The following PDK2 variants were observed in gnomAD, a reference collection of about 807,000 sequenced individuals.
PDK2 encodes pyruvate dehydrogenase kinase 2.
In PDK2, 34 loss-of-function variants were observed where a neutral mutation model predicts 50.4. That is an observed-to-expected ratio of 0.68 (90% CI 0.51 to 0.90). PDK2 has a LOEUF of 0.90. Among genes scored for constraint, PDK2 ranks in the 40% least tolerant of loss-of-function variants. PDK2 has a pLI of 0.00. For missense variants in PDK2, 377 were observed against 544.5 expected, an observed-to-expected ratio of 0.69 and a Z score of 3.06; for synonymous variants, 232 against 216.0, an observed-to-expected ratio of 1.07 and a Z score of -0.65.
intron 1 of PDK2, chr17:50,096,001 T>C: frequency 3.5e-6 from 2 of 567,894 alleles, no homozygotes; most frequent in Non-Finnish European, 4.5e-6. Flanking sequence ...TAGAGAGACC[T>C]GGACTGGGCA....
chr17:50,110,177 TGGGGGAGCA>T lies in PDK2; in HGVS notation c.*86_*94del. Reference sequence around the variant, plus strand: ...ACCGTGGTGCCCCTCACCATCCTCCTGGGGGAGCAGGGGGTGGGTTCTCCCTGATGACCA... The same window carrying T: ...ACCGTGGTGCCCCTCACCATCCTCCTGGGGGTGGGTTCTCCCTGATGACCA... On this transcript the variant is annotated 3_prime_UTR_variant, in exon 11 of 11. Transcript: ENST00000503176. 1 of 1,432,478 alleles carries T rather than the reference TGGGGGAGCA, an allele frequency of 7.0e-7. No homozygotes were observed. The highest frequency in any genetic ancestry group is 2.5e-5 in the East Asian group (1 of 39,726). The allele number at this position is 1,432,478 out of a possible 1,614,324, so 88.7% of individuals were successfully genotyped here.
At position 50,097,460 on chromosome 17, in the gene PDK2, C is replaced by T. The variant is rs770498847; in HGVS notation, c.156C>T (p.Phe52=). ...SNACEKTSFT[F]LRQELPVRLA... ...CCTGTGAGAAAACCTCCTTCACCTT[C>T]CTCAGGCAGGAGCTGCCTGTGCGCC... The change falls in exon 2 of 11, where the codon TTC becomes TTT. Residue 52 remains phenylalanine, a synonymous_variant. Transcript: ENST00000503176. 2.5e-6 allele frequency: 4 copies of T among 1,614,012 alleles called. No individual in the cohort carries two copies. Among genetic ancestry groups the T allele is most frequent in the South Asian group, 1.1e-5 (1 of 91,086 alleles).
chr17:50,109,841 TC>T lies in PDK2; in HGVS notation c.1084-115del. The T allele has an allele frequency of 8.4e-7, 1 of 1,195,088 alleles. No individual in the cohort carries two copies. The highest frequency in any genetic ancestry group is 1.1e-6 in the Non-Finnish European group (1 of 882,848). 74.0% of individuals were successfully genotyped at this position (1,195,088 alleles called of 1,614,324 possible). A position where few individuals can be genotyped will look rare whatever the true frequency, so the allele number is the denominator to read the frequency against. On this transcript the variant is annotated intron_variant, in intron 10 of 10. Transcript: ENST00000503176. This position sits in a 1 kb window ranked among gnomAD's most constrained non-coding sequence, Gnocchi z 5.0. ...CACAGGAGGGACCACCCTTTTGTGG[TC>T]TTTCCAGGCCCCCGTGTCTGGCAGC...
intron 2 of PDK2, among the ~76,000 whole-genome samples, chr17:50,104,823 AC>A (rs1336927841): frequency 6.6e-6 from 1 of 152,068 alleles, no homozygotes; most frequent in African/African-American, 2.4e-5. Context: ...GGCCCAGATC[AC>A]CCCAGCTCAG....
At chr17:50,106,769 C>T in intron 4 of PDK2, 25 bp from the exon 5 acceptor site, 2 of 1,602,880 alleles carry the variant, frequency 1.2e-6, no homozygotes, top group Non-Finnish European at 1.7e-6. Flanking sequence ...GCCCAGCCAA[C>T]AGCATCCTCC....
Position 50,095,465 on chromosome 17 carries a change from T to A in PDK2, c.30T>A (p.Asn10Lys). The A allele has an allele frequency of 6.2e-7, 1 of 1,604,974 alleles. No individual in the cohort carries two copies. The highest frequency in any genetic ancestry group is 8.5e-7 in the Non-Finnish European group (1 of 1,176,262). Residue 10 changes from asparagine to lysine, a missense_variant, in exon 1 of 11, where the codon AAT (asparagine) becomes AAA (lysine). Asn to Lys is a moderately conservative substitution (Grantham distance 94). This residue lies in a region of PDK2 where 100 missense variants were observed against 115.5 expected (regional missense o/e 0.87). Transcript: ENST00000503176. MRWVWALLK[N>K]ASLAGAPKYI... ...GCTGGGTGTGGGCGCTGCTGAAGAA[T>A]GCGTCCCTGGCAGGGGCGCCCAAGT...
In PDK2 at chr17:50,109,093, C is replaced by T. The variant is rs994515797; in HGVS notation, c.970-194C>T. Among the ~76,000 whole-genome samples the T allele has an allele frequency of 6.6e-6, 1 of 152,110 alleles. No individual in the cohort carries two copies. The highest frequency in any genetic ancestry group is 1.5e-5 in the Non-Finnish European group (1 of 68,010). On this transcript the variant is annotated intron_variant, in intron 9 of 10. Transcript: ENST00000503176. The surrounding 1 kb of genome is among the most constrained non-coding windows in gnomAD (Gnocchi z 5.0). Reference sequence around the variant, plus strand: ...CCTCTCTCTGCCCAAGCCTCCCTCCCGCATTCATGATTGCCCCATTCACCC... The same window carrying T: ...CCTCTCTCTGCCCAAGCCTCCCTCCTGCATTCATGATTGCCCCATTCACCC...
chr17:50,095,634 G>A (rs998691713), intron 1 of PDK2, 81 bp downstream of exon 1: 13 of 1,498,210 alleles, frequency 8.7e-6, no homozygotes, highest in Middle Eastern at 2.0e-4. Context: ...GGGGACGGAG[G>A]AGAAGAAAGG....
intron 4 of PDK2, 159 bp downstream of exon 4, chr17:50,106,228 G>A: frequency 7.1e-7 from 1 of 1,408,340 alleles, no homozygotes; most frequent in South Asian, 1.7e-5. Context: ...GCTCCAACAT[G>A]GAAAAATAAA....
intron 2 of PDK2, among the ~76,000 whole-genome samples, chr17:50,100,222 C>G (rs1397272918): frequency 6.6e-6 from 1 of 152,210 alleles, no homozygotes; most frequent in African/African-American, 2.4e-5. Context: ...AGTTTCTACT[C>G]AGCTGGGGAG....
rs1164623626 is a variant in PDK2, at chr17:50,110,703, G to A, written c.*606G>A. The A allele has an allele frequency of 2.0e-5, 3 of 152,334 alleles. No homozygotes were observed. The highest frequency in any genetic ancestry group is 7.2e-5 in the African/African-American group (3 of 41,560). The allele number at this position is 152,334 out of a possible 1,614,324, so 9.4% of individuals were successfully genotyped here. On this transcript the variant is annotated 3_prime_UTR_variant, in exon 11 of 11. Coordinates refer to ENST00000503176, the MANE Select transcript of PDK2 (RefSeq NM_002611.5). Reference sequence around the variant, plus strand: ...CCCAACTCTAAAGTGGAAGAACCTTGTTAGACCGAGAGCTTGCCATCCAGC... The same window carrying A: ...CCCAACTCTAAAGTGGAAGAACCTTATTAGACCGAGAGCTTGCCATCCAGC...
At position 50,109,437 on chromosome 17, in the gene PDK2, G is replaced by A. The variant is rs1347406309; in HGVS notation, c.1083+37G>A. ...TCCCGCAGAGCCCAGCTGGAGAAGA[G>A]CTTTGCTGATAGGACCTGGGCAGCC... is the stretch of plus-strand genomic sequence containing the variant. On this transcript the variant is annotated intron_variant, in intron 10 of 10. Transcript: ENST00000503176. The surrounding 1 kb of genome is among the most constrained non-coding windows in gnomAD (Gnocchi z 5.0). 1 of 1,445,888 alleles carries A rather than the reference G, an allele frequency of 6.9e-7. No individual in the cohort carries two copies. Among genetic ancestry groups the A allele is most frequent in the Non-Finnish European group, 9.6e-7 (1 of 1,038,036 alleles). The allele number at this position is 1,445,888 out of a possible 1,614,324, so 89.6% of individuals were successfully genotyped here. A position where few individuals can be genotyped will look rare whatever the true frequency, so the allele number is the denominator to read the frequency against.
chr17:50,102,554 T>C (rs1037833219), intron 2 of PDK2, among the ~76,000 whole-genome samples: 1 of 151,890 alleles, frequency 6.6e-6, no homozygotes, highest in Non-Finnish European at 1.5e-5. Flanking sequence ...CACTCTGCAG[T>C]GGGTCTCCTC....
intron 1 of PDK2, chr17:50,096,053 AG>A (rs1404485122): frequency 1.1e-6 from 1 of 928,358 alleles, no homozygotes; most frequent in African/African-American, 1.8e-5. Context: ...AGATTAAGCC[AG>A]GGGCAGTTGG....
In PDK2 at chr17:50,106,864, C is replaced by T. The variant is rs761493724; in HGVS notation, c.588C>T (p.Asn196=). The change falls in exon 5 of 11, where the codon AAC becomes AAT. Residue 196 remains asparagine, a synonymous_variant. Coordinates refer to ENST00000503176, the MANE Select transcript of PDK2 (RefSeq NM_002611.5). ...KHIGSIDPNC[N]VSEVVKDAYD... ...TCGGCAGCATCGACCCCAACTGCAA[C>T]GTCTCTGAGGTGGTCAAAGGTGAGC... 5.0e-6 allele frequency: 8 copies of T among 1,613,938 alleles called. No individual in the cohort carries two copies. The highest frequency in any genetic ancestry group is 3.3e-5 in the Admixed American group (2 of 60,000).
In PDK2 at chr17:50,106,079, G is replaced by A. The variant is rs1461750860; in HGVS notation, c.517+10G>A. 16 of 1,589,662 alleles carry A rather than the reference G, an allele frequency of 1.0e-5. No homozygotes were observed. The highest frequency in any genetic ancestry group is 9.1e-5 in the East Asian group (4 of 43,920). ...CTCATCAACCAGCACAGTGGGTGCC[G>A]GCCACAGCGGCGGGGAGCGGGCGGT... On this transcript the variant is annotated intron_variant, in intron 4 of 10. Coordinates refer to ENST00000503176, the MANE Select transcript of PDK2 (RefSeq NM_002611.5).
At position 50,106,503 on chromosome 17, in the gene PDK2, T is replaced by A; in HGVS notation, c.518-291T>A. ...CAAGGTGGTAAGAGTTCTCTTAGAATGTTATAGTCAAAGAAAAGAATAAAT... is the reference window on the plus strand; with the variant it reads ...CAAGGTGGTAAGAGTTCTCTTAGAAAGTTATAGTCAAAGAAAAGAATAAAT... On this transcript the variant is annotated intron_variant, in intron 4 of 10. Coordinates refer to ENST00000503176, the MANE Select transcript of PDK2 (RefSeq NM_002611.5). 6.0e-6 allele frequency: 3 copies of A among 503,260 alleles called. No homozygotes were observed. The South Asian group carries it at 8.4e-5, about 14-fold the overall frequency. 31.2% of individuals were successfully genotyped at this position (503,260 alleles called of 1,614,324 possible).
At chr17:50,103,290 G>A (rs2144359914) in intron 2 of PDK2, among the ~76,000 whole-genome samples, 1 of 152,284 alleles carries the variant, frequency 6.6e-6, no homozygotes, top group East Asian at 1.9e-4. Flanking sequence ...TGGGCGGTGA[G>A]CTCTGGGCCT....
chr17:50,102,307 C>T (rs116336385), intron 2 of PDK2, among the ~76,000 whole-genome samples: 4,934 of 152,310 alleles, frequency 0.032, 100 homozygotes, highest in Admixed American at 0.052. Flanking sequence ...CACTCCATGC[C>T]GGTGCCCTTT....
Sources: gnomAD v4.1 joint callset for allele counts (sites outside exome capture counted in the v4.1 genomes callset) on GRCh38, gnomAD v4.1.1 for gene constraint, gnomAD v4.1.1 regional missense constraint, Gnocchi (gnomAD v3.1) non-coding constraint, MANE v1.5 for transcripts, NCBI Gene and HGNC (gene_info 2026-07-23, HGNC 2026-07-21) for gene names.